The following HMGA1 variants were observed in gnomAD, a reference collection of about 807,000 sequenced individuals.
HMGA1 encodes the protein high mobility group AT-hook 1.
Under a neutral mutation model 15.1 loss-of-function variants are expected in HMGA1, and 1 was observed. The ratio of observed to expected loss-of-function variants is 0.07; its 90% CI spans 0.02 to 0.31. The LOEUF (loss-of-function observed/expected upper bound fraction) is 0.31. HMGA1 is among the 10% of genes least tolerant of loss of function. The probability of loss-of-function intolerance (pLI) is 1.00; values close to 1 mark genes in which losing one functional copy is unlikely to be tolerated. For missense variants in HMGA1, 94 were observed against 141.4 expected, an observed-to-expected ratio of 0.66 and a Z score of 1.70; for synonymous variants, 56 against 54.8, an observed-to-expected ratio of 1.02 and a Z score of -0.10.
intron 3 of HMGA1, 33 bp from the exon 4 acceptor site, chr6:34,242,679 G>A (rs1762397805): frequency 6.9e-7 from 1 of 1,455,948 alleles, no homozygotes; most frequent in Non-Finnish European, 9.4e-7. Context: ...AACAGGTGAT[G>A]ACTGTCCCTG....
chr6:34,238,455 C>G (rs1023675365), intron 2 of HMGA1, among the ~76,000 whole-genome samples: 1 of 152,196 alleles, frequency 6.6e-6, no homozygotes, highest in African/African-American at 2.4e-5. Flanking sequence ...TGCTGTGTGA[C>G]CTTAGGCAAC....
chr6:34,238,532 T>C lies in HMGA1; in HGVS notation c.-45+1215T>C, dbSNP rs371453265. 3.6e-4 allele frequency among the ~76,000 whole-genome samples: 55 copies of C among 152,302 alleles called. 1 individual carries two copies. The highest frequency in any genetic ancestry group is 6.8e-3 in the Middle Eastern group (2 of 294). On this transcript the variant is annotated intron_variant, in intron 2 of 5. Transcript: ENST00000311487. ...GAAAACAAGGGAACCCCCAAGATAA[T>C]TTCCTAGGGCCTTTCCTGCAGAGTC...
chr6:34,242,666 G>A, intron 3 of HMGA1, 46 bp from the exon 4 acceptor site: 1 of 1,347,926 alleles, frequency 7.4e-7, no homozygotes, highest in Non-Finnish European at 1.0e-6. Context: ...CTGAGGGGGT[G>A]GAAACAGGTG....
chr6:34,240,205 C>T (rs1762185568), intron 2 of HMGA1, among the ~76,000 whole-genome samples: 1 of 152,218 alleles, frequency 6.6e-6, no homozygotes, highest in Non-Finnish European at 1.5e-5. Context: ...CTGAGTCTTG[C>T]ACCTTGCCAG....
At chr6:34,244,730 TC>T in intron 5 of HMGA1, 100 bp from the exon 6 acceptor site, 10 of 948,380 alleles carry the variant, frequency 1.1e-5, no homozygotes, top group Non-Finnish European at 1.7e-5. Flanking sequence ...TCATCCCTCT[TC>T]AGGAGAGCCA....
chr6:34,243,206 T>G (rs1414834193), intron 4 of HMGA1, among the ~76,000 whole-genome samples: 1 of 152,070 alleles, frequency 6.6e-6, no homozygotes, highest in Non-Finnish European at 1.5e-5. Context: ...GAAAAGTTGT[T>G]TTGTTTTTTA....
Position 34,245,520 on chromosome 6 carries a change from T to A in HMGA1, c.*636T>A, listed in dbSNP as rs184349426. On this transcript the variant is annotated 3_prime_UTR_variant, in exon 6 of 6. Transcript: ENST00000311487. ...ACTAGGTTGGACAGCCCCCTTCGGT[T>A]ACAGGAAGGCAGGAGGGGTGAGTCC... 2.2e-6 allele frequency: 3 copies of A among 1,381,826 alleles called. No homozygotes were observed. In the African/African-American group the frequency reaches 4.3e-5, roughly 20 times the overall value. 85.6% of individuals were successfully genotyped at this position (1,381,826 alleles called of 1,614,324 possible). A position where few individuals can be genotyped will look rare whatever the true frequency, so the allele number is the denominator to read the frequency against.
chr6:34,241,004 G>GTA (rs1762260367), intron 3 of HMGA1, 89 bp downstream of exon 3: 5 of 1,453,570 alleles, frequency 3.4e-6, no homozygotes, highest in Non-Finnish European at 3.8e-6. Flanking sequence ...GACCATGCAT[G>GTA]GAGGGTGCAG....
At chr6:34,238,455 C>T (rs1023675365) in intron 2 of HMGA1, among the ~76,000 whole-genome samples, 2 of 152,196 alleles carry the variant, frequency 1.3e-5, no homozygotes, top group African/African-American at 2.4e-5. Flanking sequence ...TGCTGTGTGA[C>T]CTTAGGCAAC....
intron 5 of HMGA1, among the ~76,000 whole-genome samples, chr6:34,244,427 C>T (rs1320808595): frequency 1.3e-5 from 2 of 152,112 alleles, no homozygotes; most frequent in Non-Finnish European, 2.9e-5. Context: ...CCTGGTTCCC[C>T]TGCACCCACC....
chr6:34,238,007 C>G (rs989073844), intron 2 of HMGA1, among the ~76,000 whole-genome samples: 4 of 152,148 alleles, frequency 2.6e-5, no homozygotes, highest in East Asian at 1.9e-4. Context: ...TTGCTGGGCT[C>G]TGTTGGAACT....
chr6:34,243,142 G>A (rs377148106), intron 4 of HMGA1, among the ~76,000 whole-genome samples: 82 of 152,298 alleles, frequency 5.4e-4, no homozygotes, highest in East Asian at 4.2e-3. Context: ...CCTGGAGCCT[G>A]AAGGGGTGGG....
chr6:34,243,743 C>T (rs1256660344), intron 5 of HMGA1, among the ~76,000 whole-genome samples: 1 of 152,114 alleles, frequency 6.6e-6, no homozygotes, highest in Non-Finnish European at 1.5e-5. Flanking sequence ...CCCTGCCCTG[C>T]CCTGCCCTAG....
At position 34,245,004 on chromosome 6, in the gene HMGA1, C is replaced by T. The variant is rs1249681940; in HGVS notation, c.*120C>T. ...GCCCACCATCACCACCGCCTCTGGC[C>T]GCCACCCCCATCTTCCACCTGTGCC... is the stretch of plus-strand genomic sequence containing the variant. On this transcript the variant is annotated 3_prime_UTR_variant, in exon 6 of 6. Coordinates refer to ENST00000311487, the MANE Select transcript of HMGA1 (RefSeq NM_145899.3). 1.2e-5 allele frequency: 19 copies of T among 1,543,618 alleles called. No homozygotes were observed. Among genetic ancestry groups the T allele is most frequent in the African/African-American group, 2.7e-5 (2 of 72,860 alleles).
In HMGA1 at chr6:34,244,831, G is replaced by A; in HGVS notation, c.271G>A (p.Glu91Lys). The A allele has an allele frequency of 6.4e-7, 1 of 1,571,726 alleles. No homozygotes were observed. The highest frequency in any genetic ancestry group is 8.6e-7 in the Non-Finnish European group (1 of 1,158,762). Residue 91 changes from glutamate (E) to lysine (K), a missense_variant and splice_region_variant, in exon 6 of 6, where the codon GAG becomes AAG. Glu to Lys is a moderately conservative substitution (Grantham distance 56). Transcript: ENST00000311487. ...ACACCAACAACTGCCCACCTCACAG[G>A]AGAAGGAGGAAGAGGAGGGCATCTC... ...RKPRGRPKKL[E>K]KEEEEGISQE...
intron 4 of HMGA1, 91 bp downstream of exon 4, chr6:34,242,886 A>T (rs1479544997): frequency 1.1e-6 from 1 of 940,004 alleles, no homozygotes; most frequent in Non-Finnish European, 1.7e-6. Flanking sequence ...GAGGTCTGGG[A>T]AGGGGCTCAG....
At chr6:34,240,528 T>G (rs1762215924) in intron 2 of HMGA1, 1 of 498,982 alleles carries the variant, frequency 2.0e-6, no homozygotes, top group African/African-American at 1.9e-5. Flanking sequence ...GAACAGGAGA[T>G]AGATAAGAAG....
chr6:34,241,947 C>T (rs1762344870), intron 3 of HMGA1, among the ~76,000 whole-genome samples: 1 of 152,156 alleles, frequency 6.6e-6, no homozygotes, highest in African/African-American at 2.4e-5. Context: ...CTCCCTCAGC[C>T]TCCCCTCCTA....
chr6:34,243,610 G>A, intron 5 of HMGA1, 92 bp downstream of exon 5: 1 of 1,044,552 alleles, frequency 9.6e-7, no homozygotes, highest in South Asian at 1.3e-5. Context: ...CACCCCCTAT[G>A]GAAAGGCTCT....
Sources: allele counts gnomAD v4.1 joint callset (sites outside exome capture counted in the v4.1 genomes callset), GRCh38; gene constraint gnomAD v4.1.1; transcripts MANE v1.5; gene names NCBI Gene and HGNC (gene_info 2026-07-23, HGNC 2026-07-21).